SOBP: variants seen among roughly 807,000 people sequenced by gnomAD.
SOBP encodes the protein sine oculis-binding protein homolog.
SOBP carries 4 observed loss-of-function variants against 53.6 expected under a neutral mutation model. That is an observed-to-expected ratio of 0.07 (90% CI 0.04 to 0.17). The LOEUF (loss-of-function observed/expected upper bound fraction) is 0.17. SOBP is among the 10% of genes least tolerant of loss of function. The pLI, the probability that SOBP is intolerant of heterozygous loss-of-function variation, is 1.00. For synonymous variants in SOBP, 584 were observed against 522.6 expected, an observed-to-expected ratio of 1.12 and a Z score of -1.60; for missense variants, 1,088 against 1,204.7, an observed-to-expected ratio of 0.90 and a Z score of 1.43.
intron 3 of SOBP, among the ~76,000 whole-genome samples, chr6:107,517,623 G>A (rs1783358897): frequency 6.6e-6 from 1 of 152,158 alleles, no homozygotes; most frequent in African/African-American, 2.4e-5. Context: ...AAGATGACAC[G>A]GTAGAGCAGT....
At chr6:107,582,107 AC>A (rs1785421411) in intron 4 of SOBP, among the ~76,000 whole-genome samples, 1 of 152,220 alleles carries the variant, frequency 6.6e-6, no homozygotes, top group Admixed American at 6.5e-5. Context: ...TTATCTTTTG[AC>A]TTAAATGGCA....
intron 6 of SOBP, among the ~76,000 whole-genome samples, chr6:107,639,821 T>C (rs3800208): frequency 0.22 from 32,841 of 152,174 alleles, 4,418 homozygotes; most frequent in South Asian, 0.36. Context: ...GGAAATGACA[T>C]AGACTCTTTA....
intron 4 of SOBP, among the ~76,000 whole-genome samples, chr6:107,580,857 A>T (rs574298046): frequency 3.5e-4 from 54 of 152,188 alleles, no homozygotes; most frequent in Non-Finnish European, 7.2e-4. Flanking sequence ...TCTAGGTGTG[A>T]GGCAGGTGTG....
At chr6:107,574,477 G>A (rs755007117) in intron 4 of SOBP, among the ~76,000 whole-genome samples, 1 of 151,986 alleles carries the variant, frequency 6.6e-6, no homozygotes, top group African/African-American at 2.4e-5. Context: ...TTTGATTATG[G>A]GATCACTAAA....
intron 4 of SOBP, among the ~76,000 whole-genome samples, chr6:107,547,343 C>T (rs908631036): frequency 3.9e-5 from 6 of 152,106 alleles, no homozygotes; most frequent in Admixed American, 1.3e-4. Flanking sequence ...AAAAAATTAA[C>T]GTTTAAATGT....
At chr6:107,516,080 A>G (rs1783311094) in intron 3 of SOBP, among the ~76,000 whole-genome samples, 1 of 152,192 alleles carries the variant, frequency 6.6e-6, no homozygotes, top group Non-Finnish European at 1.5e-5. Context: ...AATCTGTCCA[A>G]AGGTTATCAA....
In SOBP at chr6:107,660,481, T is replaced by A. The variant is rs1772251124; in HGVS notation, c.*2278T>A. 6.6e-6 allele frequency among the ~76,000 whole-genome samples: 1 copy of A among 152,164 alleles called. No individual in the cohort carries two copies. The highest frequency in any genetic ancestry group is 6.5e-5 in the Admixed American group (1 of 15,276). On this transcript the variant is annotated 3_prime_UTR_variant, in exon 7 of 7. Transcript: ENST00000317357. ...TCCAAGTGCTCTTCAAGTCCTGATC[T>A]TTTTTGGCTCCAAGGGTTCAGGCCT... is the stretch of plus-strand genomic sequence containing the variant.
intron 6 of SOBP, chr6:107,636,377 G>T (rs1272191880): frequency 1.3e-5 from 2 of 152,288 alleles, no homozygotes; most frequent in Non-Finnish European, 2.9e-5. Flanking sequence ...ACTAACATGT[G>T]TGCCTGTCAT....
chr6:107,622,937 T>TC (rs200199416), intron 5 of SOBP, among the ~76,000 whole-genome samples: 8 of 152,220 alleles, frequency 5.3e-5, no homozygotes, highest in East Asian at 1.9e-4. Flanking sequence ...AGTTAATAAT[T>TC]CCCCCCCATG....
At chr6:107,590,480 A>T (rs965423635) in intron 5 of SOBP, among the ~76,000 whole-genome samples, 11 of 152,212 alleles carry the variant, frequency 7.2e-5, no homozygotes, top group African/African-American at 1.9e-4. Flanking sequence ...AAGGGGAACT[A>T]AGAGAAAGGA....
rs77474468 is a variant in SOBP, at chr6:107,651,364, T to G, written c.*4-6843T>G. On this transcript the variant is annotated intron_variant, in intron 6 of 6. Transcript: ENST00000317357. ...ATAGAGAAAATTTGAGTGGTCTGGG[T>G]GGAAGATCAAACCGACCACAATATT... is the stretch of plus-strand genomic sequence containing the variant. Among the ~76,000 whole-genome samples, 281 of 152,298 alleles carry G rather than the reference T, an allele frequency of 1.8e-3. 1 individual carries two copies. Among genetic ancestry groups the G allele is most frequent in the African/African-American group, 6.4e-3 (264 of 41,556 alleles).
intron 5 of SOBP, among the ~76,000 whole-genome samples, chr6:107,609,849 C>T (rs919386738): frequency 2.0e-5 from 3 of 152,096 alleles, no homozygotes; most frequent in African/African-American, 4.8e-5. Context: ...AATGGGGTCA[C>T]GATCTTAAAG....
At chr6:107,518,407 G>A (rs4629727) in intron 3 of SOBP, among the ~76,000 whole-genome samples, 141,394 of 152,212 alleles carry the variant, frequency 0.93, 65,977 homozygotes, top group Non-Finnish European at 0.97. Context: ...GTAAATACAT[G>A]TAACCACTAT....
chr6:107,607,967 G>A (rs937607864), intron 5 of SOBP, among the ~76,000 whole-genome samples: 3 of 152,140 alleles, frequency 2.0e-5, no homozygotes, highest in African/African-American at 7.2e-5. Context: ...CTACTCAAGT[G>A]GAAAGGATGG....
Position 107,516,026 on chromosome 6 carries a change from TA to T in SOBP, c.421+9607del, listed in dbSNP as rs998612427. Among the ~76,000 whole-genome samples the T allele has an allele frequency of 3.9e-5, 6 of 152,040 alleles. No homozygotes were observed. In the South Asian group the frequency reaches 6.2e-4, roughly 16 times the overall value. Reference sequence around the variant, plus strand: ...GATAAAATTTAGCACTATAAATGATTAAAAAAAACTTTTGGCAAAGGAGGAA... The same window carrying T: ...GATAAAATTTAGCACTATAAATGATTAAAAAAACTTTTGGCAAAGGAGGAA... On this transcript the variant is annotated intron_variant, in intron 3 of 6. Transcript: ENST00000317357.
At position 107,490,610 on chromosome 6, in the gene SOBP, C is replaced by A. The variant is rs1469351299; in HGVS notation, c.-7C>A. 1.3e-6 allele frequency: 2 copies of A among 1,598,696 alleles called. No individual in the cohort carries two copies. The highest frequency in any genetic ancestry group is 1.3e-5 in the African/African-American group (1 of 74,534). On this transcript the variant is annotated 5_prime_UTR_variant, in exon 1 of 7. Transcript: ENST00000317357. ...ATTTCATCTCCACAGAAACCAGACACAAAAACATGGCAGAAATGGAGAAAG... is the reference window on the plus strand; with the variant it reads ...ATTTCATCTCCACAGAAACCAGACAAAAAAACATGGCAGAAATGGAGAAAG...
At chr6:107,647,735 C>G (rs754125960) in intron 6 of SOBP, among the ~76,000 whole-genome samples, 3 of 152,076 alleles carry the variant, frequency 2.0e-5, no homozygotes, top group African/African-American at 7.2e-5. Flanking sequence ...TCTGCCTTTC[C>G]TCTCGGTGGA....
intron 4 of SOBP, among the ~76,000 whole-genome samples, chr6:107,561,992 A>G (rs1429434029): frequency 6.6e-6 from 1 of 150,714 alleles, no homozygotes; most frequent in African/African-American, 2.4e-5. Context: ...AAATATTACT[A>G]CATCATCACA....
In SOBP at chr6:107,490,406, C is replaced by G; in HGVS notation, c.-211C>G. ...CGAGACTCTCCGCACTATCCTTACC[C>G]GTGACAGCCACTGACGTCCTCCGCC... On this transcript the variant is annotated 5_prime_UTR_variant, in exon 1 of 7. Coordinates refer to ENST00000317357, the MANE Select transcript of SOBP (RefSeq NM_018013.4). 2.0e-6 allele frequency: 1 copy of G among 490,896 alleles called. No individual in the cohort carries two copies. Among genetic ancestry groups the G allele is most frequent in the Admixed American group, 3.3e-5 (1 of 30,008 alleles). The allele number at this position is 490,896 out of a possible 1,614,324, so 30.4% of individuals were successfully genotyped here. A position where few individuals can be genotyped will look rare whatever the true frequency, so the allele number is the denominator to read the frequency against.
Sources: allele counts gnomAD v4.1 joint callset (sites outside exome capture counted in the v4.1 genomes callset), GRCh38; gene constraint gnomAD v4.1.1; transcripts MANE v1.5; gene names NCBI Gene and HGNC (gene_info 2026-07-23, HGNC 2026-07-21).